Variants in LMX1B observed in about 807,000 individuals in gnomAD.
LMX1B encodes LIM homeobox transcription factor 1-beta.
Under a neutral mutation model 51.4 loss-of-function variants are expected in LMX1B, and 12 were observed. The observed-to-expected ratio is 0.23, with a 90% CI of 0.15 to 0.38. LMX1B has a LOEUF of 0.38. LMX1B is among the 10% of genes least tolerant of loss of function. LMX1B has a pLI of 1.00. For missense variants in LMX1B, 445 were observed against 571.1 expected, an observed-to-expected ratio of 0.78 and a Z score of 2.25; for synonymous variants, 237 against 235.4, an observed-to-expected ratio of 1.01 and a Z score of -0.06.
At chr9:126,669,991 T>C (rs1836420201) in intron 2 of LMX1B, among the ~76,000 whole-genome samples, 1 of 152,052 alleles carries the variant, frequency 6.6e-6, no homozygotes, top group Admixed American at 6.5e-5. Flanking sequence ...GGGTGGAGGA[T>C]TGGTGGACAA....
rs1482172442 is a variant in LMX1B, at chr9:126,632,376, T to C, written c.326+16807T>C. On this transcript the variant is annotated intron_variant, in intron 2 of 7. Coordinates refer to ENST00000373474, the MANE Select transcript of LMX1B (RefSeq NM_001174147.2). ...GGAGGGGGCCCTGGCAGCAGGAATA[T>C]TGGGGGTTAAATGGGTGGGCTGGGA... 2.6e-5 allele frequency among the ~76,000 whole-genome samples: 4 copies of C among 151,924 alleles called. No homozygotes were observed. In the East Asian group the frequency reaches 5.8e-4, roughly 22 times the overall value.
Position 126,699,887 on chromosome 9 carries a change from CG to C in LMX1B, c.*3437del, listed in dbSNP as rs1280732590. The C allele has an allele frequency of 6.6e-6, 1 of 152,224 alleles. No individual in the cohort carries two copies. The highest frequency in any genetic ancestry group is 6.5e-5 in the Admixed American group (1 of 15,278). 9.4% of individuals were successfully genotyped at this position (152,224 alleles called of 1,614,324 possible). On this transcript the variant is annotated 3_prime_UTR_variant, in exon 8 of 8. Transcript: ENST00000373474. ...AGCCAGGACCACCCCTTGCCCGTGCCGTGACATGGAACCTTCATCACTAAGG... is the reference window on the plus strand; with the variant it reads ...AGCCAGGACCACCCCTTGCCCGTGCCTGACATGGAACCTTCATCACTAAGG...
intron 2 of LMX1B, among the ~76,000 whole-genome samples, chr9:126,621,709 G>A (rs1835416823): frequency 7.9e-6 from 1 of 125,922 alleles, no homozygotes; most frequent in African/African-American, 3.3e-5. Context: ...GTTGATAATA[G>A]ACTTTAAACA....
chr9:126,692,038 AGAG>A (rs1301699083), intron 3 of LMX1B, among the ~76,000 whole-genome samples: 1 of 152,186 alleles, frequency 6.6e-6, no homozygotes, highest in Non-Finnish European at 1.5e-5. Flanking sequence ...GGAGGCATGG[AGAG>A]GAGGTGTCCC....
intron 2 of LMX1B, among the ~76,000 whole-genome samples, chr9:126,663,102 C>T (rs1836276341): frequency 6.6e-6 from 1 of 152,126 alleles, no homozygotes; most frequent in Non-Finnish European, 1.5e-5. Flanking sequence ...CCTCTCTGAG[C>T]CTTGTTGACC....
intron 2 of LMX1B, among the ~76,000 whole-genome samples, chr9:126,660,504 G>A (rs10819195): frequency 0.34 from 52,342 of 152,078 alleles, 9,520 homozygotes; most frequent in Non-Finnish European, 0.4. Context: ...CTCGACTACT[G>A]TGAGACTTTG....
intron 2 of LMX1B, among the ~76,000 whole-genome samples, chr9:126,667,556 G>A (rs757887832): frequency 1.2e-4 from 18 of 152,252 alleles, no homozygotes; most frequent in Non-Finnish European, 1.3e-4. Context: ...CCAGTAAAGG[G>A]GTCTGGATCC....
At position 126,700,129 on chromosome 9, in the gene LMX1B, T is replaced by C. The variant is rs971628468; in HGVS notation, c.*3678T>C. 1.3e-5 allele frequency: 2 copies of C among 152,182 alleles called. No homozygotes were observed. The highest frequency in any genetic ancestry group is 2.9e-5 in the Non-Finnish European group (2 of 68,044). 9.4% of individuals were successfully genotyped at this position (152,182 alleles called of 1,614,324 possible). A position where few individuals can be genotyped will look rare whatever the true frequency, so the allele number is the denominator to read the frequency against. ...GCCAGAGCCTCATCTGCCTACTCCGTGAAGCCTCCCAGGTACTCTGCTATC... is the reference window on the plus strand; with the variant it reads ...GCCAGAGCCTCATCTGCCTACTCCGCGAAGCCTCCCAGGTACTCTGCTATC... On this transcript the variant is annotated 3_prime_UTR_variant, in exon 8 of 8. Coordinates refer to ENST00000373474, the MANE Select transcript of LMX1B (RefSeq NM_001174147.2).
chr9:126,621,812 A>C (rs181500730), intron 2 of LMX1B, among the ~76,000 whole-genome samples: 1 of 152,124 alleles, frequency 6.6e-6, no homozygotes, highest in East Asian at 1.9e-4. Flanking sequence ...GGTGTAACTG[A>C]CGGGGCAGTG....
chr9:126,662,844 G>A (rs539074949), intron 2 of LMX1B, among the ~76,000 whole-genome samples: 23 of 152,352 alleles, frequency 1.5e-4, no homozygotes, highest in African/African-American at 5.3e-4. Context: ...CTGTGCCACC[G>A]GGGACATATA....
chr9:126,614,398 G>T lies in LMX1B; in HGVS notation c.-52G>T. 7.4e-7 allele frequency: 1 copy of T among 1,354,308 alleles called. No homozygotes were observed. Among genetic ancestry groups the T allele is most frequent in the East Asian group, 3.4e-5 (1 of 29,276 alleles). The allele number at this position is 1,354,308 out of a possible 1,614,324, so 83.9% of individuals were successfully genotyped here. ...GCGGCGGCGGAGAGCGGGTGGACGG[G>T]CCGGCGGGCGAGCAGCCCGGCCGGC... On this transcript the variant is annotated 5_prime_UTR_variant, in exon 1 of 8. Coordinates refer to ENST00000373474, the MANE Select transcript of LMX1B (RefSeq NM_001174147.2).
chr9:126,627,209 G>A (rs972541489), intron 2 of LMX1B, among the ~76,000 whole-genome samples: 1 of 152,098 alleles, frequency 6.6e-6, no homozygotes, highest in Non-Finnish European at 1.5e-5. Flanking sequence ...CCCGTGGCCG[G>A]GTTACCCTGT....
At position 126,656,358 on chromosome 9, in the gene LMX1B, T is replaced by G. The variant is rs542817705; in HGVS notation, c.327-34478T>G. On this transcript the variant is annotated intron_variant, in intron 2 of 7. Transcript: ENST00000373474. ...TGAGCTCAGGAGTTCAAGACCAGCC[T>G]GGGCAACATAGTGAGATCTGGTCTT... 6.6e-5 allele frequency among the ~76,000 whole-genome samples: 10 copies of G among 151,944 alleles called. No individual in the cohort carries two copies. The East Asian group carries it at 1.9e-3, about 29-fold the overall frequency.
chr9:126,631,586 A>G (rs1564149196), intron 2 of LMX1B, among the ~76,000 whole-genome samples: 2 of 151,882 alleles, frequency 1.3e-5, no homozygotes, highest in Admixed American at 1.3e-4. Flanking sequence ...TGAGGTGGGG[A>G]TAGGGGCGAG....
intron 2 of LMX1B, among the ~76,000 whole-genome samples, chr9:126,665,277 C>G (rs1465262523): frequency 6.6e-6 from 1 of 152,216 alleles, no homozygotes; most frequent in Non-Finnish European, 1.5e-5. Flanking sequence ...CAGCCTGGCA[C>G]GGCCATTGTT....
chr9:126,663,423 CAAAAAA>C (rs58849866), intron 2 of LMX1B, among the ~76,000 whole-genome samples: 1 of 112,732 alleles, frequency 8.9e-6, no homozygotes, highest in South Asian at 2.6e-4. Context: ...GACTCTTTCT[CAAAAAA>C]AAAAAAAAAG....
At chr9:126,642,663 G>T (rs1414469614) in intron 2 of LMX1B, among the ~76,000 whole-genome samples, 1 of 152,226 alleles carries the variant, frequency 6.6e-6, no homozygotes, top group Non-Finnish European at 1.5e-5. Context: ...GGTCTCTACT[G>T]CCATAATATA....
At chr9:126,620,857 G>A (rs1161503184) in intron 2 of LMX1B, among the ~76,000 whole-genome samples, 1 of 152,206 alleles carries the variant, frequency 6.6e-6, no homozygotes, top group Non-Finnish European at 1.5e-5. Flanking sequence ...ACTGTTTTGT[G>A]ATTGAAGCCA....
intron 2 of LMX1B, among the ~76,000 whole-genome samples, chr9:126,620,701 G>A (rs948594696): frequency 6.6e-6 from 1 of 152,192 alleles, no homozygotes. Flanking sequence ...GAGGGTGGCC[G>A]GGTGTGCTGG....
Sources: allele counts gnomAD v4.1 joint callset (sites outside exome capture counted in the v4.1 genomes callset), GRCh38; gene constraint gnomAD v4.1.1; transcripts MANE v1.5; gene names NCBI Gene and HGNC (gene_info 2026-07-23, HGNC 2026-07-21).